LRRC40: variants seen among roughly 807,000 people sequenced by gnomAD.
The protein encoded by LRRC40 is leucine rich repeat containing 40.
Under a neutral mutation model 72.8 loss-of-function variants are expected in LRRC40, and 76 were observed. The observed-to-expected ratio is 1.04, with a 90% CI of 0.87 to 1.26. The LOEUF is 1.26. Among genes scored for constraint, LRRC40 ranks in the 50% most tolerant of loss-of-function variants. The pLI, the probability that LRRC40 is intolerant of heterozygous loss-of-function variation, is 0.00. For missense variants in LRRC40, 684 were observed against 698.9 expected (o/e 0.98, Z 0.24); for synonymous variants, 243 against 254.2 (o/e 0.96, Z 0.42).
chr1:70,204,732 T>TACACACACACACACAC lies in LRRC40; in HGVS notation c.151+642_151+657dup, dbSNP rs3219841. ...TCTCCATTCCCCTCCCTCTCTCTCT[T>TACACACACACACACAC]ACACACACACACACACACACACACA... On this transcript the variant is annotated intron_variant, in intron 1 of 14. Transcript: ENST00000370952. Among the ~76,000 whole-genome samples, 142 of 145,278 alleles carry TACACACACACACACAC rather than the reference T, an allele frequency of 9.8e-4. 1 individual carries two copies. The highest frequency in any genetic ancestry group is 3.4e-3 in the African/African-American group (134 of 39,578).
At chr1:70,188,957 C>T (rs1558126023) in intron 2 of LRRC40, 135 bp downstream of exon 2, 1 of 678,284 alleles carries the variant, frequency 1.5e-6, no homozygotes, top group Admixed American at 3.1e-5. Context: ...AACCATTATG[C>T]TATGCCTAGA....
At chr1:70,199,300 T>A (rs1218088014) in intron 1 of LRRC40, among the ~76,000 whole-genome samples, 2 of 151,336 alleles carry the variant, frequency 1.3e-5, no homozygotes, top group African/African-American at 4.9e-5. Flanking sequence ...CTAACTCTGG[T>A]TGGCTTCTTC....
chr1:70,199,005 G>T (rs988443922), intron 1 of LRRC40, among the ~76,000 whole-genome samples: 2 of 151,804 alleles, frequency 1.3e-5, no homozygotes, highest in African/African-American at 4.8e-5. Context: ...ATAAAAATTG[G>T]CCAGGCATGG....
intron 9 of LRRC40, among the ~76,000 whole-genome samples, chr1:70,161,450 G>T (rs1224945160): frequency 1.3e-5 from 2 of 151,178 alleles, no homozygotes; most frequent in Admixed American, 1.3e-4. Flanking sequence ...TACTAGGGAG[G>T]CTGAGGCAGG....
intron 1 of LRRC40, among the ~76,000 whole-genome samples, chr1:70,194,623 A>G (rs1668569250): frequency 6.6e-6 from 1 of 152,082 alleles, no homozygotes; most frequent in South Asian, 2.1e-4. Context: ...ATTAGGTCAA[A>G]AAATTTTGAA....
intron 13 of LRRC40, among the ~76,000 whole-genome samples, chr1:70,148,893 CTATT>C (rs1219860400): frequency 1.3e-5 from 2 of 152,128 alleles, no homozygotes; most frequent in Non-Finnish European, 2.9e-5. Context: ...GTAACAGTTG[CTATT>C]TATTGTATAA....
At position 70,152,562 on chromosome 1, in the gene LRRC40, T is replaced by A. The variant is rs1222223048; in HGVS notation, c.1329-19A>T. ...TACCATCCTGAAACAAAAATAATTT[T>A]AAAATGTTAGCACTTGAATTCACTG... On this transcript the variant is annotated intron_variant, in intron 11 of 14. Transcript: ENST00000370952. 4 of 1,345,854 alleles carry A rather than the reference T, an allele frequency of 3.0e-6. No individual in the cohort carries two copies. The Admixed American group carries it at 6.9e-5, about 23-fold the overall frequency. 83.4% of individuals were successfully genotyped at this position (1,345,854 alleles called of 1,614,324 possible).
In LRRC40 at chr1:70,145,652, A is replaced by T; in HGVS notation, c.*148T>A. The T allele has an allele frequency of 2.1e-6, 1 of 481,284 alleles. No individual in the cohort carries two copies. Among genetic ancestry groups the T allele is most frequent in the Non-Finnish European group, 3.7e-6 (1 of 268,622 alleles). 29.8% of individuals were successfully genotyped at this position (481,284 alleles called of 1,614,324 possible). ...ACTGGCAGTGAATATGGCCCAGGCT[A>T]ATTATACCAACAGGTAGGTGATACT... On this transcript the variant is annotated 3_prime_UTR_variant, in exon 15 of 15. Transcript: ENST00000370952.
intron 1 of LRRC40, among the ~76,000 whole-genome samples, chr1:70,192,132 T>C (rs1478604543): frequency 6.6e-6 from 1 of 152,170 alleles, no homozygotes; most frequent in Non-Finnish European, 1.5e-5. Flanking sequence ...GTTTGTGTCA[T>C]CTCTGATTTC....
At chr1:70,194,774 T>C (rs914674170) in intron 1 of LRRC40, among the ~76,000 whole-genome samples, 3 of 152,070 alleles carry the variant, frequency 2.0e-5, no homozygotes, top group Non-Finnish European at 4.4e-5. Flanking sequence ...AATTTTGAAA[T>C]AAAAGAACAA....
chr1:70,182,533 CAAA>C (rs928909744), intron 4 of LRRC40, among the ~76,000 whole-genome samples: 5 of 151,874 alleles, frequency 3.3e-5, no homozygotes, highest in Non-Finnish European at 4.4e-5. Context: ...AAGTTACTAA[CAAA>C]AAACTTAATT....
intron 1 of LRRC40, 101 bp from the exon 2 acceptor site, chr1:70,189,374 T>G: frequency 1.1e-6 from 1 of 950,858 alleles, no homozygotes; most frequent in Non-Finnish European, 1.5e-6. Context: ...GCCATTCCAT[T>G]TATCTATTGA....
At position 70,199,372 on chromosome 1, in the gene LRRC40, C is replaced by T. The variant is rs573739931; in HGVS notation, c.151+6018G>A. Among the ~76,000 whole-genome samples the T allele has an allele frequency of 1.4e-4, 22 of 151,930 alleles. No individual in the cohort carries two copies. The South Asian group carries it at 1.5e-3, about 10-fold the overall frequency. On this transcript the variant is annotated intron_variant, in intron 1 of 14. Transcript: ENST00000370952. Reference sequence around the variant, plus strand: ...TACAGCAGACCTGCTTTTATGAATACGAAAATAATAAATGGTATTTTTCAA... The same window carrying T: ...TACAGCAGACCTGCTTTTATGAATATGAAAATAATAAATGGTATTTTTCAA...
At chr1:70,193,615 A>G (rs181121746) in intron 1 of LRRC40, among the ~76,000 whole-genome samples, 1 of 152,204 alleles carries the variant, frequency 6.6e-6, no homozygotes, top group Admixed American at 6.5e-5. Flanking sequence ...TTATAAGGCC[A>G]GTCTTACTCT....
At chr1:70,185,540 T>A (rs527607215) in intron 3 of LRRC40, among the ~76,000 whole-genome samples, 1 of 152,338 alleles carries the variant, frequency 6.6e-6, no homozygotes, top group African/African-American at 2.4e-5. Flanking sequence ...GTAAGTCCAA[T>A]TAAACCTCTT....
intron 13 of LRRC40, among the ~76,000 whole-genome samples, chr1:70,149,217 C>G (rs187327175): frequency 3.3e-5 from 5 of 152,272 alleles, no homozygotes; most frequent in Non-Finnish European, 5.9e-5. Flanking sequence ...GCAATACTTG[C>G]AATTAACGTA....
intron 1 of LRRC40, among the ~76,000 whole-genome samples, chr1:70,190,092 G>C (rs903216257): frequency 2.0e-5 from 3 of 152,200 alleles, no homozygotes; most frequent in Non-Finnish European, 4.4e-5. Context: ...CCAGAAGGTA[G>C]AATGCTGTAG....
chr1:70,191,643 C>T lies in LRRC40; in HGVS notation c.152-2370G>A, dbSNP rs114216907. Among the ~76,000 whole-genome samples, 1,151 of 152,140 alleles carry T rather than the reference C, an allele frequency of 7.6e-3. 8 individuals are homozygous for T. Among genetic ancestry groups the T allele is most frequent in the Non-Finnish European group, 0.012 (816 of 67,964 alleles). ...TGAGGTATCCCAATTTCTTCCAGAG[C>T]TTACAGCATCAAGATTCATGTCACT... is the stretch of plus-strand genomic sequence containing the variant. On this transcript the variant is annotated intron_variant, in intron 1 of 14. Transcript: ENST00000370952.
At chr1:70,179,989 C>T (rs956635545) in intron 5 of LRRC40, among the ~76,000 whole-genome samples, 1 of 151,464 alleles carries the variant, frequency 6.6e-6, no homozygotes, top group Non-Finnish European at 1.5e-5. Flanking sequence ...TGAATGCAGG[C>T]AATCATTTCT....
Sources: gnomAD v4.1 joint callset for allele counts (sites outside exome capture counted in the v4.1 genomes callset) on GRCh38, gnomAD v4.1.1 for gene constraint, MANE v1.5 for transcripts, NCBI Gene and HGNC (gene_info 2026-07-23, HGNC 2026-07-21) for gene names.